The following MUC3A variants were observed in gnomAD, a reference collection of about 807,000 sequenced individuals.
MUC3A encodes the protein mucin 3A, cell surface associated.
MUC3A carries 109 observed loss-of-function variants against 109.0 expected under a neutral mutation model. The ratio of observed to expected loss-of-function variants is 1.00; its 90% CI spans 0.86 to 1.17. The LOEUF (loss-of-function observed/expected upper bound fraction) is 1.17. Among genes scored for constraint, MUC3A ranks in the 50% most tolerant of loss-of-function variants. The pLI is 0.00. For synonymous variants in MUC3A, 1,398 were observed against 981.4 expected (o/e 1.42, Z -7.93); for missense variants, 3,537 against 2,469.4 (o/e 1.43, Z -9.16).
chr7:100,957,635 A>G lies in MUC3A; in HGVS notation c.5856A>G (p.Ser1952=). 6.6e-7 allele frequency: 1 copy of G among 1,510,714 alleles called. No individual in the cohort carries two copies. The highest frequency in any genetic ancestry group is 8.8e-7 in the Non-Finnish European group (1 of 1,131,696). The allele number at this position is 1,510,714 out of a possible 1,614,324, so 93.6% of individuals were successfully genotyped here. Reference sequence around the variant, plus strand: ...CAATCACCAATACCAAGACCACCTCACACAGCTCTCCCAGCTTCACTTCTT... The same window carrying G: ...CAATCACCAATACCAAGACCACCTCGCACAGCTCTCCCAGCTTCACTTCTT... The part of the protein sequence containing the change: ...TSSITNTKTT[S]HSSPSFTSSI... The change falls in exon 2 of 12, where the codon TCA becomes TCG. Residue 1952 remains serine (S), a synonymous_variant. Coordinates refer to ENST00000379458, the MANE Select transcript of MUC3A (RefSeq NM_005960.2).
Position 100,952,977 on chromosome 7 carries a change from C to A in MUC3A, c.1198C>A (p.Pro400Thr), listed in dbSNP as rs1466652416. ...TTTEISSHST[P>T]SFSSSTIYST... is the part of the protein sequence containing the mutation. ...CACTGAGATCTCCTCCCACAGTACT[C>A]CCAGCTTCTCTTCATCAACCATCTA... The change falls in exon 2 of 12, where the codon CCC becomes ACC. Residue 400 changes from proline to threonine, a missense_variant. Transcript: ENST00000379458. 1.3e-6 allele frequency: 2 copies of A among 1,578,770 alleles called. No homozygotes were observed. The highest frequency in any genetic ancestry group is 2.3e-5 in the East Asian group (1 of 44,232).
chr7:100,963,892 T>A (rs1233793507), intron 5 of MUC3A, 140 bp downstream of exon 5: 7,803 of 1,248,644 alleles, frequency 6.2e-3, no homozygotes, highest in Middle Eastern at 0.043. Flanking sequence ...ACTCCCTGGG[T>A]ATTTTTTCGG....
At chr7:100,963,796 G>A (rs1007658193) in intron 5 of MUC3A, 44 bp downstream of exon 5, 11 of 1,597,356 alleles carry the variant, frequency 6.9e-6, no homozygotes, top group African/African-American at 6.7e-5. Context: ...TTGGGTGGGG[G>A]AAATGTGCGC....
At position 100,949,563 on chromosome 7, in the gene MUC3A, C is replaced by T; in HGVS notation, c.-62C>T. 2 of 1,115,042 alleles carry T rather than the reference C, an allele frequency of 1.8e-6. No homozygotes were observed. The highest frequency in any genetic ancestry group is 2.2e-6 in the Non-Finnish European group (2 of 897,436). The allele number at this position is 1,115,042 out of a possible 1,614,324, so 69.1% of individuals were successfully genotyped here. On this transcript the variant is annotated 5_prime_UTR_variant, in exon 1 of 12. The change creates a new upstream start codon in the 5' untranslated region. Coordinates refer to ENST00000379458, the MANE Select transcript of MUC3A (RefSeq NM_005960.2). ...TCATTACGTGCACGCCCCAGGGCCA[C>T]GTCCCTGCCGCTGTCTTGGTCCTGA...
rs1255741490 is a variant in MUC3A, at chr7:100,952,229, G to A, written c.450G>A (p.Gln150=). 3.1e-6 allele frequency: 5 copies of A among 1,598,546 alleles called. No homozygotes were observed. The highest frequency in any genetic ancestry group is 4.2e-6 in the Non-Finnish European group (5 of 1,179,798). The part of the protein sequence containing the change: ...HPTSICVTTT[Q]VAFTSSYTST... ...CCTCCATCTGTGTGACCACGACGCA[G>A]GTGGCCTTCACCAGCTCTTACACCT... is the stretch of plus-strand genomic sequence containing the variant. Residue 150 remains glutamine (Q), a synonymous_variant, in exon 2 of 12, where the codon CAG becomes CAA. Coordinates refer to ENST00000379458, the MANE Select transcript of MUC3A (RefSeq NM_005960.2).
intron 3 of MUC3A, among the ~76,000 whole-genome samples, chr7:100,961,265 A>C (rs1478056419): frequency 6.6e-6 from 1 of 152,310 alleles, no homozygotes; most frequent in Non-Finnish European, 1.5e-5. Context: ...AATTCTGTAG[A>C]TTAGAAGTCT....
Position 100,960,826 on chromosome 7 carries a change from C to A in MUC3A, c.8941C>A (p.Gln2981Lys). The A allele has an allele frequency of 6.3e-7, 1 of 1,598,534 alleles. No individual in the cohort carries two copies. Among genetic ancestry groups the A allele is most frequent in the Non-Finnish European group, 8.5e-7 (1 of 1,179,816 alleles). The change falls in exon 3 of 12, where the codon CAG becomes AAG. Residue 2981 changes from glutamine to lysine, a missense_variant. Gln to Lys is a moderately conservative substitution (Grantham distance 53). Coordinates refer to ENST00000379458, the MANE Select transcript of MUC3A (RefSeq NM_005960.2). The part of the protein sequence containing the change: ...CLPGFSGDRC[Q>K]LQTRCQNGGQ... ...TCCGGGGTTTTCTGGGGACCGCTGT[C>A]AGCTCCAGACCAGATGCCAGAATGG...
chr7:100,952,599 A>G lies in MUC3A; in HGVS notation c.820A>G (p.Thr274Ala). 1.3e-6 allele frequency: 2 copies of G among 1,598,496 alleles called. No individual in the cohort carries two copies. The highest frequency in any genetic ancestry group is 1.7e-6 in the Non-Finnish European group (2 of 1,179,758). ...TSTNTVTSMT[T>A]TASQPTATNT... ...CACAAATACAGTGACTTCTATGACAACGACCGCCTCCCAGCCCACAGCCAC... is the reference window on the plus strand; with the variant it reads ...CACAAATACAGTGACTTCTATGACAGCGACCGCCTCCCAGCCCACAGCCAC... Residue 274 changes from threonine to alanine, a missense_variant, in exon 2 of 12, where the codon ACG becomes GCG. Physicochemically the swap from Thr to Ala is moderately conservative, Grantham distance 58 (BLOSUM62 0). Transcript: ENST00000379458.
Position 100,960,303 on chromosome 7 carries a change from A to G in MUC3A, c.8524A>G (p.Ile2842Val), listed in dbSNP as rs1792276226. The change falls in exon 2 of 12, where the codon ATC (isoleucine) becomes GTC (valine). Residue 2842 changes from isoleucine to valine, a missense_variant. Transcript: ENST00000379458. Reference sequence around the variant, plus strand: ...CATGATGCCAGAAAGTGAGTCCAGCATCTCACCCAATGCTTCCAGTTCCAC... The same window carrying G: ...CATGATGCCAGAAAGTGAGTCCAGCGTCTCACCCAATGCTTCCAGTTCCAC... ...SSMMPESESS[I>V]SPNASSSTGT... 2 of 1,598,552 alleles carry G rather than the reference A, an allele frequency of 1.3e-6. No individual in the cohort carries two copies. The highest frequency in any genetic ancestry group is 1.7e-6 in the Non-Finnish European group (2 of 1,179,826).
Position 100,955,693 on chromosome 7 carries a change from C to T in MUC3A, c.3914C>T (p.Ser1305Phe), listed in dbSNP as rs1792078843. 1.2e-5 allele frequency: 5 copies of T among 425,622 alleles called. No homozygotes were observed. In the South Asian group the frequency reaches 4.4e-4, roughly 37 times the overall value. 26.4% of individuals were successfully genotyped at this position (425,622 alleles called of 1,614,324 possible). Reference sequence around the variant, plus strand: ...GGGACCACTCACACAGAGACTATTTCCTCACTTCCAGCCAGCACCAATACA... The same window carrying T: ...GGGACCACTCACACAGAGACTATTTTCTCACTTCCAGCCAGCACCAATACA... ...SAGTTHTETISSLPASTNTIH... is the reference protein window; with the variant it reads ...SAGTTHTETIFSLPASTNTIH... Residue 1305 changes from serine (S) to phenylalanine (F), a missense_variant, in exon 2 of 12, where the codon TCC becomes TTC. By Grantham distance (155) the Ser-to-Phe change is radical. Coordinates refer to ENST00000379458, the MANE Select transcript of MUC3A (RefSeq NM_005960.2).
intron 3 of MUC3A, among the ~76,000 whole-genome samples, chr7:100,962,659 CTT>C (rs934241177): frequency 6.2e-4 from 17 of 27,480 alleles, no homozygotes; most frequent in Admixed American, 4.0e-3. Flanking sequence ...TCTTTTGTCT[CTT>C]TCTCTTTTCT....
chr7:100,958,602 T>C lies in MUC3A; in HGVS notation c.6823T>C (p.Ser2275Pro). 1 of 1,260,164 alleles carries C rather than the reference T, an allele frequency of 7.9e-7. No individual in the cohort carries two copies. Among genetic ancestry groups the C allele is most frequent in the Non-Finnish European group, 1.1e-6 (1 of 928,998 alleles). The allele number at this position is 1,260,164 out of a possible 1,614,324, so 78.1% of individuals were successfully genotyped here. A position where few individuals can be genotyped will look rare whatever the true frequency, so the allele number is the denominator to read the frequency against. Residue 2275 changes from serine to proline, a missense_variant, in exon 2 of 12, where the codon TCT becomes CCT. Physicochemically the swap from Ser to Pro is moderately conservative, Grantham distance 74. Transcript: ENST00000379458. Reference sequence around the variant, plus strand: ...CTCACATGATACTCCCAGCTTCACTTCTTCAATCACCACCAGTGAGACCCC... The same window carrying C: ...CTCACATGATACTCCCAGCTTCACTCCTTCAATCACCACCAGTGAGACCCC... Reference protein sequence around the residue: ...TTSHDTPSFTSSITTSETPSH... With the variant: ...TTSHDTPSFTPSITTSETPSH...
Position 100,959,832 on chromosome 7 carries a change from A to T in MUC3A, c.8053A>T (p.Thr2685Ser), listed in dbSNP as rs761725087. Residue 2685 changes from threonine to serine, a missense_variant, in exon 2 of 12, where the codon ACA (threonine) becomes TCA (serine). Thr to Ser is a moderately conservative substitution (Grantham distance 58). Transcript: ENST00000379458. ...TSFSTIIWSS[T>S]PTIIMSSSPS... Reference sequence around the variant, plus strand: ...TTTTAGTACCATCATCTGGTCCTCAACACCCACTATTATCATGTCCTCTTC... The same window carrying T: ...TTTTAGTACCATCATCTGGTCCTCATCACCCACTATTATCATGTCCTCTTC... The T allele has an allele frequency of 6.3e-7, 1 of 1,578,976 alleles. No individual in the cohort carries two copies. The highest frequency in any genetic ancestry group is 8.5e-7 in the Non-Finnish European group (1 of 1,170,264).
In MUC3A at chr7:100,959,713, C is replaced by A. The variant is rs75365561; in HGVS notation, c.7934C>A (p.Thr2645Asn). 23 of 1,597,644 alleles carry A rather than the reference C, an allele frequency of 1.4e-5. No individual in the cohort carries two copies. Among genetic ancestry groups the A allele is most frequent in the East Asian group, 2.2e-5 (1 of 44,894 alleles). The change falls in exon 2 of 12, where the codon ACT (threonine) becomes AAT (asparagine). Residue 2645 changes from threonine (T) to asparagine (N), a missense_variant. Physicochemically the swap from Thr to Asn is moderately conservative, Grantham distance 65. Transcript: ENST00000379458. The stretch of plus-strand genomic sequence containing the variant: ...TCCACCCTTCAAACAACTCCTTCTA[C>A]TCCCTCATTGCAAACTTCACTCACA... Reference protein sequence around the residue: ...HSSTLQTTPSTPSLQTSLTST... With the variant: ...HSSTLQTTPSNPSLQTSLTST...
chr7:100,960,766 G>T lies in MUC3A; in HGVS notation c.8881G>T (p.Gly2961Cys). The change falls in exon 3 of 12, where the codon GGT (glycine) becomes TGT (cysteine). Residue 2961 changes from glycine to cysteine, a missense_variant. Coordinates refer to ENST00000379458, the MANE Select transcript of MUC3A (RefSeq NM_005960.2). Reference sequence around the variant, plus strand: ...GTGTTTTCCAGGCACCTGTGACAATGGTGGCACCTGGGAACAGGGCCAGTG... The same window carrying T: ...GTGTTTTCCAGGCACCTGTGACAATTGTGGCACCTGGGAACAGGGCCAGTG... ...LTTTAGTCDN[G>C]GTWEQGQCAC... 1 of 1,597,728 alleles carries T rather than the reference G, an allele frequency of 6.3e-7. No homozygotes were observed. The highest frequency in any genetic ancestry group is 8.5e-7 in the Non-Finnish European group (1 of 1,179,382).
rs1792091169 is a variant in MUC3A, at chr7:100,956,204, C to G, written c.4425C>G (p.Ser1475=). ...CTCCCACAAGCACTGTCACAGAGTC[C>G]ACAACTGAAATCACCTATCCCACCA... ...PSSPTSTVTE[S]TTEITYPTTM... Residue 1475 remains serine (S), a synonymous_variant, in exon 2 of 12, where the codon TCC becomes TCG. Transcript: ENST00000379458. 2.2e-6 allele frequency: 1 copy of G among 461,780 alleles called. No individual in the cohort carries two copies. The highest frequency in any genetic ancestry group is 3.8e-6 in the Non-Finnish European group (1 of 263,410). 28.6% of individuals were successfully genotyped at this position (461,780 alleles called of 1,614,324 possible).
In MUC3A at chr7:100,960,290, A is replaced by G. The variant is rs771975702; in HGVS notation, c.8511A>G (p.Glu2837=). The G allele has an allele frequency of 4.4e-6, 7 of 1,598,426 alleles. No individual in the cohort carries two copies. The African/African-American group carries it at 5.3e-5, about 12-fold the overall frequency. ...TYMDTSSMMP[E]SESSISPNAS... ...TGGACACTTCTTCCATGATGCCAGA[A>G]AGTGAGTCCAGCATCTCACCCAATG... Residue 2837 remains glutamate, a synonymous_variant, in exon 2 of 12, where the codon GAA becomes GAG. Coordinates refer to ENST00000379458, the MANE Select transcript of MUC3A (RefSeq NM_005960.2).
rs1391443329 is a variant in MUC3A, at chr7:100,960,102, A to G, written c.8323A>G (p.Ile2775Val). The change falls in exon 2 of 12, where the codon ATT becomes GTT. Residue 2775 changes from isoleucine (I) to valine (V), a missense_variant. Transcript: ENST00000379458. The stretch of plus-strand genomic sequence containing the variant: ...CACACCCTGTCCAGGAACTATAACA[A>G]TTACCATAGTCCCTGCCTCCCCCAC... ...STTPCPGTIT[I>V]TIVPASPTDP... is the part of the protein sequence containing the mutation. 2.6e-6 allele frequency: 4 copies of G among 1,527,012 alleles called. No homozygotes were observed. The African/African-American group carries it at 5.5e-5, about 21-fold the overall frequency. 94.6% of individuals were successfully genotyped at this position (1,527,012 alleles called of 1,614,324 possible). A position where few individuals can be genotyped will look rare whatever the true frequency, so the allele number is the denominator to read the frequency against.
chr7:100,965,498 G>C, intron 7 of MUC3A, 151 bp downstream of exon 7: 1 of 1,439,512 alleles, frequency 6.9e-7, no homozygotes, highest in East Asian at 2.5e-5. Flanking sequence ...CTGGTTAGTG[G>C]CTTCCACCTG....
Sources: allele counts gnomAD v4.1 joint callset (sites outside exome capture counted in the v4.1 genomes callset), GRCh38; gene constraint gnomAD v4.1.1; transcripts MANE v1.5; gene names NCBI Gene and HGNC (gene_info 2026-07-23, HGNC 2026-07-21).